DNAAF19: variants seen among roughly 807,000 people sequenced by gnomAD.
DNAAF19 encodes the protein dynein axonemal assembly factor 19, also known as coiled-coil domain containing 103.
the DNAAF19 span, chr17:44,905,268 T>C: frequency 1.5e-5 from 9 of 591,768 alleles, no homozygotes; most frequent in Middle Eastern, 4.4e-4. Context: ...TGGTGGGAGA[T>C]TGGGGACTGA....
chr17:44,903,420 C>T, the DNAAF19 span: 2 of 1,252,642 alleles, frequency 1.6e-6, no homozygotes, highest in Admixed American at 7.5e-5. Flanking sequence ...CTTCATCCCC[C>T]AGGTTGATGA....
At chr17:44,899,861 T>C in the DNAAF19 span, 1 of 152,104 alleles carries the variant, frequency 6.6e-6, no homozygotes, top group Non-Finnish European at 1.5e-5. Flanking sequence ...GACGGAAGGG[T>C]TAGTTCTATG....
the DNAAF19 span, chr17:44,904,026 T>C: frequency 1.3e-6 from 2 of 1,550,530 alleles, no homozygotes; most frequent in Admixed American, 3.9e-5. Flanking sequence ...GTAGTCTGGT[T>C]CTACCAAAAG....
At chr17:44,902,523 G>A in the DNAAF19 span, 1 of 1,614,130 alleles carries the variant, frequency 6.2e-7, no homozygotes, top group African/African-American at 1.3e-5. Context: ...GACTTCTTGG[G>A]GAGCTGCTGG....
the DNAAF19 span, chr17:44,902,808 G>A: frequency 8.4e-6 from 13 of 1,548,830 alleles, no homozygotes; most frequent in Middle Eastern, 1.8e-4. Flanking sequence ...AGCTGTACCA[G>A]GTTGACTGAT....
the DNAAF19 span, among the ~76,000 whole-genome samples, chr17:44,900,294 A>G: frequency 2.6e-5 from 4 of 152,084 alleles, no homozygotes; most frequent in African/African-American, 4.8e-5. Context: ...AGAAAAAAAA[A>G]AAAAGAAAAG....
the DNAAF19 span, chr17:44,905,068 C>G: frequency 6.5e-7 from 1 of 1,535,170 alleles, no homozygotes; most frequent in Non-Finnish European, 8.8e-7. Context: ...GCTTCTCCCC[C>G]TAGGAGCTCT....
chr17:44,903,603 C>G, the DNAAF19 span: 2 of 1,405,566 alleles, frequency 1.4e-6, no homozygotes, highest in Non-Finnish European at 9.2e-7. Flanking sequence ...GGCTTTCCCC[C>G]CCCACCCTGA....
the DNAAF19 span, chr17:44,901,232 G>A: frequency 2.1e-6 from 3 of 1,443,230 alleles, no homozygotes; most frequent in African/African-American, 2.9e-5. Context: ...CTTCAGTCCT[G>A]GCCCCACCGT....
the DNAAF19 span, chr17:44,904,163 G>C: frequency 1.9e-6 from 3 of 1,550,238 alleles, no homozygotes; most frequent in African/African-American, 1.4e-5. Flanking sequence ...CAGCTTGTTG[G>C]TTTTCAGGGC....
At chr17:44,901,560 A>G in the DNAAF19 span, 1 of 1,614,118 alleles carries the variant, frequency 6.2e-7, no homozygotes, top group Non-Finnish European at 8.5e-7. Flanking sequence ...ACTGGAGCGG[A>G]AGGATAAGAT....
At chr17:44,903,687 C>T in the DNAAF19 span, 2 of 1,437,052 alleles carry the variant, frequency 1.4e-6, no homozygotes, top group Non-Finnish European at 1.8e-6. Context: ...TGGCGGCTTC[C>T]TCTGCAGATT....
the DNAAF19 span, chr17:44,905,095 C>T: frequency 2.0e-6 from 3 of 1,479,462 alleles, no homozygotes; most frequent in East Asian, 5.0e-5. Flanking sequence ...CTCTGAAGAC[C>T]AGTTGTCCTT....
chr17:44,901,636 C>T, the DNAAF19 span: 3 of 1,614,124 alleles, frequency 1.9e-6, no homozygotes, highest in Non-Finnish European at 2.5e-6. Context: ...CAGGATGTGG[C>T]CACTGAAATC....
chr17:44,905,177 G>A, the DNAAF19 span: 1 of 864,468 alleles, frequency 1.2e-6, no homozygotes, highest in East Asian at 2.7e-5. Context: ...GTAGGAACAT[G>A]TGGACAAATC....
At chr17:44,901,556 G>C in the DNAAF19 span, 2 of 1,614,114 alleles carry the variant, frequency 1.2e-6, no homozygotes, top group African/African-American at 2.7e-5. Context: ...AGCCACTGGA[G>C]CGGAAGGATA....
chr17:44,902,608 G>C, the DNAAF19 span: 1 of 1,614,204 alleles, frequency 6.2e-7, no homozygotes, highest in Non-Finnish European at 8.5e-7. Flanking sequence ...GGCGAGCACT[G>C]GGCGCTTCAC....
the DNAAF19 span, chr17:44,903,555 G>A: frequency 7.3e-7 from 1 of 1,363,814 alleles, no homozygotes; most frequent in Non-Finnish European, 9.4e-7. Context: ...GTGAGCGCCA[G>A]TGTTCTAGAA....
At chr17:44,901,647 TC>T in the DNAAF19 span, 8 of 1,614,112 alleles carry the variant, frequency 5.0e-6, no homozygotes, top group African/African-American at 1.3e-5. Flanking sequence ...CACTGAAATC[TC>T]CCCGGTAGGT....
Sources: allele counts gnomAD v4.1 joint callset (sites outside exome capture counted in the v4.1 genomes callset), GRCh38; gene constraint gnomAD v4.1.1; transcripts MANE v1.5; gene names NCBI Gene and HGNC (gene_info 2026-07-23, HGNC 2026-07-21).